Variants in KIAA1549L observed in about 807,000 individuals in gnomAD.
The protein encoded by KIAA1549L is UPF0606 protein KIAA1549L.
A neutral mutation model predicts 160.7 loss-of-function variants in KIAA1549L; 88 were observed. The ratio of observed to expected loss-of-function variants is 0.55; its 90% CI spans 0.46 to 0.65. The LOEUF is 0.65. Ranked by LOEUF, KIAA1549L falls within the 30% of genes least tolerant of loss-of-function variation. KIAA1549L has a pLI of 0.00. For missense variants in KIAA1549L, 2,258 were observed against 2,437.5 expected (o/e 0.93, Z 1.55); for synonymous variants, 950 against 976.7 (o/e 0.97, Z 0.51).
intron 13 of KIAA1549L, chr11:33,599,594 C>T (rs575239246): frequency 1.3e-5 from 2 of 152,296 alleles, no homozygotes; most frequent in East Asian, 1.9e-4. Context: ...CAGATCTCTC[C>T]TTTCCTGTAA....
At chr11:33,576,939 T>C (rs921472129) in intron 10 of KIAA1549L, among the ~76,000 whole-genome samples, 9 of 152,030 alleles carry the variant, frequency 5.9e-5, no homozygotes, top group African/African-American at 1.4e-4. Context: ...ATCATCAACA[T>C]ATAGGTGACA....
intron 1 of KIAA1549L, among the ~76,000 whole-genome samples, chr11:33,395,465 T>G (rs964265505): frequency 1.3e-5 from 2 of 152,208 alleles, no homozygotes; most frequent in African/African-American, 4.8e-5. Context: ...CTTTCATCTA[T>G]ATATCGATGA....
intron 1 of KIAA1549L, among the ~76,000 whole-genome samples, chr11:33,439,015 C>T (rs578157115): frequency 4.6e-5 from 7 of 152,136 alleles, no homozygotes; most frequent in African/African-American, 7.2e-5. Flanking sequence ...CAACCTCTGC[C>T]TCTCGGATTC....
chr11:33,586,833 C>T (rs1184574029), intron 11 of KIAA1549L, among the ~76,000 whole-genome samples: 3 of 152,126 alleles, frequency 2.0e-5, no homozygotes, highest in Non-Finnish European at 4.4e-5. Flanking sequence ...AAACTGGGAA[C>T]TCATGATAAT....
chr11:33,647,154 A>G (rs1360167489), intron 17 of KIAA1549L, among the ~76,000 whole-genome samples: 2 of 152,134 alleles, frequency 1.3e-5, no homozygotes, highest in African/African-American at 2.4e-5. Flanking sequence ...GGAGGCCAAG[A>G]TGGGCCGATC....
intron 1 of KIAA1549L, among the ~76,000 whole-genome samples, chr11:33,440,198 C>T (rs1324182936): frequency 7.7e-5 from 10 of 130,572 alleles, no homozygotes; most frequent in Admixed American, 1.7e-4. Flanking sequence ...GGCGGGATCT[C>T]GGCTCATTGC....
rs1194353287 is a variant in KIAA1549L at position 33,614,529 on chromosome 11, A to AGGCTATATATAT, written c.5280-4004_5280-4003insGGCTATATATAT. 1.0e-4 allele frequency among the ~76,000 whole-genome samples: 4 copies of AGGCTATATATAT among 39,138 alleles called. 1 individual carries two copies. Among genetic ancestry groups the AGGCTATATATAT allele is most frequent in the Non-Finnish European group, 2.3e-4 (4 of 17,306 alleles). The allele number at this position is 39,138 out of a possible 152,430, so 25.7% of individuals were successfully genotyped here. On this transcript the variant is annotated intron_variant, in intron 15 of 20. Coordinates refer to ENST00000658780, the MANE Select transcript of KIAA1549L (RefSeq NM_012194.3). ...TCCTCTTGGGATCTGTGAGTGTAAC[A>AGGCTATATATAT]AGATATATATATATATATATATATA... is the stretch of plus-strand genomic sequence containing the variant.
intron 10 of KIAA1549L, among the ~76,000 whole-genome samples, chr11:33,580,587 A>AAAAAAG (rs1554994225): frequency 0.022 from 2,800 of 127,108 alleles, 133 homozygotes; most frequent in African/African-American, 0.1. Context: ...AAAAAAAAAA[A>AAAAAAG]AAAAGAAAAG....
chr11:33,582,893 A>G (rs904013382), intron 10 of KIAA1549L, among the ~76,000 whole-genome samples: 3 of 152,268 alleles, frequency 2.0e-5, no homozygotes, highest in Admixed American at 2.0e-4. Context: ...CAGGGTGACT[A>G]CACTACAATA....
rs566959000 is a variant in KIAA1549L, at chr11:33,643,058, A to G, written c.5410-2628A>G. Among the ~76,000 whole-genome samples, 4 of 152,284 alleles carry G rather than the reference A, an allele frequency of 2.6e-5. No individual in the cohort carries two copies. The East Asian group carries it at 7.7e-4, about 29-fold the overall frequency. ...GAGAGCTAGTCTTGTTTCTATCTGT[A>G]GCTATCGAGAGATGATTGGTGGCCG... On this transcript the variant is annotated intron_variant, in intron 16 of 20. Transcript: ENST00000658780.
At chr11:33,650,112 A>G (rs1264192079) in intron 17 of KIAA1549L, among the ~76,000 whole-genome samples, 2 of 152,150 alleles carry the variant, frequency 1.3e-5, no homozygotes, top group African/African-American at 4.8e-5. Flanking sequence ...TCCAGCTCGC[A>G]GGAGTCCTTG....
At position 33,376,769 on chromosome 11, in the gene KIAA1549L, T is replaced by G. The variant is rs1033602226; in HGVS notation, c.118T>G (p.Cys40Gly). 6.6e-6 allele frequency: 1 copy of G among 151,426 alleles called. No individual in the cohort carries two copies. Among genetic ancestry groups the G allele is most frequent in the Non-Finnish European group, 1.5e-5 (1 of 67,878 alleles). 9.4% of individuals were successfully genotyped at this position (151,426 alleles called of 1,614,324 possible). Residue 40 changes from cysteine (C) to glycine (G), a missense_variant, in exon 1 of 21, where the codon TGC (cysteine) becomes GGC (glycine). By Grantham distance (159) the Cys-to-Gly change is radical (BLOSUM62 -3). Transcript: ENST00000658780. This position sits in a 1 kb window ranked among gnomAD's most constrained non-coding sequence, Gnocchi z 5.8. The part of the protein sequence containing the change: ...LGRAAWGAAR[C>G]TGVRGPGAGA... ...TCGGGCTGCCTGGGGAGCCGCGCGC[T>G]GCACGGGTGTGAGGGGCCCCGGGGC... is the stretch of plus-strand genomic sequence containing the variant.
At chr11:33,530,203 G>A (rs1210786893) in intron 1 of KIAA1549L, among the ~76,000 whole-genome samples, 2 of 147,976 alleles carry the variant, frequency 1.4e-5, no homozygotes, top group Non-Finnish European at 3.0e-5. Context: ...GACCATCCTG[G>A]CTAACACGGT....
intron 1 of KIAA1549L, among the ~76,000 whole-genome samples, chr11:33,407,080 C>CTTTT (rs1491483483): frequency 2.8e-4 from 22 of 79,554 alleles, no homozygotes; most frequent in African/African-American, 8.8e-4. Context: ...TTTCTTTTTT[C>CTTTT]ATTTTTTTTT....
At chr11:33,391,417 G>T (rs1850270945) in intron 1 of KIAA1549L, among the ~76,000 whole-genome samples, 1 of 152,138 alleles carries the variant, frequency 6.6e-6, no homozygotes. Context: ...CTTTTAGTTG[G>T]ATACACATTA....
intron 15 of KIAA1549L, among the ~76,000 whole-genome samples, chr11:33,610,712 A>G (rs1454605948): frequency 6.6e-6 from 1 of 152,228 alleles, no homozygotes; most frequent in African/African-American, 2.4e-5. Context: ...CCCAGCAAGG[A>G]AGGGCTAAGC....
chr11:33,666,889 G>A (rs1005544876), intron 20 of KIAA1549L, among the ~76,000 whole-genome samples: 12 of 152,112 alleles, frequency 7.9e-5, no homozygotes, highest in Non-Finnish European at 1.6e-4. Flanking sequence ...GGCTAATACC[G>A]ACCTCCTAGC....
Position 33,545,274 on chromosome 11 carries a change from A to G in KIAA1549L, c.3281A>G (p.Asn1094Ser). The change falls in exon 3 of 21, where the codon AAC becomes AGC. Residue 1094 changes from asparagine to serine, a missense_variant. Physicochemically the swap from Asn to Ser is conservative, Grantham distance 46. Transcript: ENST00000658780. ...ATRLPPLRAENTDAVLPAASA... is the reference protein window; with the variant it reads ...ATRLPPLRAESTDAVLPAASA... ...CGGTTGCCACCATTGCGAGCAGAAAACACAGATGCTGTCCTTCCTGCTGCA... is the reference window on the plus strand; with the variant it reads ...CGGTTGCCACCATTGCGAGCAGAAAGCACAGATGCTGTCCTTCCTGCTGCA... 1.2e-6 allele frequency: 2 copies of G among 1,613,926 alleles called. No individual in the cohort carries two copies. The highest frequency in any genetic ancestry group is 1.7e-6 in the Non-Finnish European group (2 of 1,179,890).
chr11:33,598,241 C>T (rs749680157), intron 12 of KIAA1549L, among the ~76,000 whole-genome samples: 4 of 140,980 alleles, frequency 2.8e-5, no homozygotes, highest in Admixed American at 2.2e-4. Context: ...AGAGTGAAGC[C>T]CCTAGTGATG....
Sources: allele counts gnomAD v4.1 joint callset (sites outside exome capture counted in the v4.1 genomes callset), GRCh38; gene constraint gnomAD v4.1.1; non-coding constraint Gnocchi (gnomAD v3.1); transcripts MANE v1.5; gene names NCBI Gene and HGNC (gene_info 2026-07-23, HGNC 2026-07-21).